The following ECT2 variants were observed in gnomAD, a reference collection of about 807,000 sequenced individuals.
The protein encoded by ECT2 is protein ECT2.
A neutral mutation model predicts 116.9 loss-of-function variants in ECT2; 61 were observed. That is an observed-to-expected ratio of 0.52 (90% CI 0.42 to 0.65). The LOEUF (loss-of-function observed/expected upper bound fraction) is 0.65. ECT2 is among the 30% of genes least tolerant of loss of function. The pLI is 0.00. For missense variants in ECT2, 937 were observed against 1,078.7 expected (o/e 0.87, Z 1.84); for synonymous variants, 358 against 346.4 (o/e 1.03, Z -0.37).
chr3:172,805,714 T>C lies in ECT2; in HGVS notation c.2107-17T>C, dbSNP rs748259165. 7 of 1,608,850 alleles carry C rather than the reference T, an allele frequency of 4.4e-6. No individual in the cohort carries two copies. The highest frequency in any genetic ancestry group is 5.9e-6 in the Non-Finnish European group (7 of 1,178,298). ...CTTCATTTTATTGACTGATACTTTT[T>C]TATTTTCTATAATCAGATAGCAAGA... On this transcript the variant is annotated splice_polypyrimidine_tract_variant and intron_variant, in intron 20 of 24. Transcript: ENST00000392692.
At chr3:172,778,785 C>T (rs557449428) in intron 14 of ECT2, among the ~76,000 whole-genome samples, 3 of 151,742 alleles carry the variant, frequency 2.0e-5, no homozygotes, top group African/African-American at 7.3e-5. Flanking sequence ...TTAGTAGAGA[C>T]GGAGTTTCAT....
chr3:172,829,028 C>T, the ECT2 span: 1 of 823,720 alleles, frequency 1.2e-6, no homozygotes, highest in South Asian at 1.3e-5. Flanking sequence ...TGTCTGGCCA[C>T]CTGGAGTGGG....
At chr3:172,810,429 T>C (rs941985904) in intron 22 of ECT2, among the ~76,000 whole-genome samples, 28 of 152,296 alleles carry the variant, frequency 1.8e-4, no homozygotes, top group African/African-American at 6.3e-4. Context: ...CGATTGGACA[T>C]ATATTAAAAG....
intron 18 of ECT2, among the ~76,000 whole-genome samples, chr3:172,788,988 G>A (rs1480333439): frequency 2.7e-5 from 4 of 150,058 alleles, no homozygotes; most frequent in Non-Finnish European, 5.9e-5. Context: ...AACCCGGGAT[G>A]TGGAGGTTGC....
Position 172,760,161 on chromosome 3 carries a change from G to T in ECT2, c.582G>T (p.Arg194Ser). 6.2e-7 allele frequency: 1 copy of T among 1,603,206 alleles called. No individual in the cohort carries two copies. The highest frequency in any genetic ancestry group is 1.1e-5 in the South Asian group (1 of 88,958). The change falls in exon 7 of 25, where the codon AGG (arginine) becomes AGT (serine). Residue 194 changes from arginine to serine, a missense_variant. Transcript: ENST00000392692. ...TGCTTAATTTTTCTTTTGAGGTCAG[G>T]TTGGTGACATTGGTCCATCACATGG... ...TGFRKKEELVRLVTLVHHMGG... is the reference protein window; with the variant it reads ...TGFRKKEELVSLVTLVHHMGG...
At chr3:172,761,346 G>A (rs984169243) in intron 7 of ECT2, among the ~76,000 whole-genome samples, 5 of 152,008 alleles carry the variant, frequency 3.3e-5, no homozygotes, top group Non-Finnish European at 7.4e-5. Context: ...GAAGAAAGGA[G>A]AAATAGAAAT....
chr3:172,760,031 A>G (rs1194860947), intron 6 of ECT2, 125 bp from the exon 7 acceptor site: 3 of 549,968 alleles, frequency 5.5e-6, no homozygotes, highest in Non-Finnish European at 9.1e-6. Context: ...TAATAGCTTT[A>G]TAAAAATCCC....
chr3:172,820,396 G>A lies in ECT2; in HGVS notation c.*159G>A. ...TTGATTTTTCTTCTTGAAAGAGTAA[G>A]GTTTACCTGTTACATTTTCAAGTTA... is the stretch of plus-strand genomic sequence containing the variant. On this transcript the variant is annotated 3_prime_UTR_variant, in exon 25 of 25. Transcript: ENST00000392692. 2.4e-6 allele frequency: 1 copy of A among 413,050 alleles called. No homozygotes were observed. The highest frequency in any genetic ancestry group is 4.2e-6 in the Non-Finnish European group (1 of 237,694). 25.6% of individuals were successfully genotyped at this position (413,050 alleles called of 1,614,324 possible).
chr3:172,783,727 GACTTTAAGTTACATTGTCTCT>G lies in ECT2; in HGVS notation c.1618-70_1618-50del, dbSNP rs1258011264. ...GTCAGATTGTGACTACTAATTATTT[GACTTTAAGTTACATTGTCTCT>G]AAGGGTGACAAATGCATAATAAATA... is the stretch of plus-strand genomic sequence containing the variant. On this transcript the variant is annotated intron_variant, in intron 15 of 24. Transcript: ENST00000392692. 3.1e-6 allele frequency: 3 copies of G among 982,104 alleles called. No individual in the cohort carries two copies. In the South Asian group the frequency reaches 4.3e-5, roughly 14 times the overall value. 60.8% of individuals were successfully genotyped at this position (982,104 alleles called of 1,614,324 possible).
chr3:172,792,836 G>A (rs1724925766), intron 18 of ECT2, among the ~76,000 whole-genome samples: 1 of 152,072 alleles, frequency 6.6e-6, no homozygotes, highest in Non-Finnish European at 1.5e-5. Context: ...TCCCACCTTA[G>A]CCTTTTGAGT....
intron 11 of ECT2, among the ~76,000 whole-genome samples, chr3:172,763,407 C>T (rs1025697108): frequency 6.6e-6 from 1 of 152,120 alleles, no homozygotes; most frequent in Non-Finnish European, 1.5e-5. Context: ...TTCGTTAGAA[C>T]CCCAATTGGG....
chr3:172,794,926 G>C (rs1725337280), intron 18 of ECT2, among the ~76,000 whole-genome samples: 2 of 151,870 alleles, frequency 1.3e-5, no homozygotes, highest in African/African-American at 2.4e-5. Context: ...TGGCCAGGCT[G>C]GTCTCGAACT....
intron 18 of ECT2, among the ~76,000 whole-genome samples, 183 bp downstream of exon 18, chr3:172,786,757 A>G (rs987387527): frequency 7.9e-5 from 12 of 152,192 alleles, no homozygotes; most frequent in East Asian, 7.7e-4. Flanking sequence ...TAATCAAAAC[A>G]TTTATTTCTA....
intron 18 of ECT2, among the ~76,000 whole-genome samples, chr3:172,798,917 C>T (rs1378792310): frequency 6.6e-6 from 1 of 152,142 alleles, no homozygotes. Flanking sequence ...GGTTCCTAGC[C>T]TTACAGTGAG....
At chr3:172,761,474 T>C (rs1718282448) in intron 7 of ECT2, 136 bp from the exon 8 acceptor site, 1 of 585,782 alleles carries the variant, frequency 1.7e-6, no homozygotes, top group Non-Finnish European at 3.0e-6. Context: ...ATAGTTTGTC[T>C]GTTAATTTTT....
intron 13 of ECT2, among the ~76,000 whole-genome samples, chr3:172,772,570 C>T (rs1484002703): frequency 4.6e-5 from 7 of 152,020 alleles, no homozygotes; most frequent in Admixed American, 4.6e-4. Context: ...TCATTCATAG[C>T]GTATTTTTTA....
Position 172,805,857 on chromosome 3 carries a change from A to G in ECT2, c.2233A>G (p.Arg745Gly), listed in dbSNP as rs368895882. ...LSQIKKVLDIRETEDCHNAFA... is the reference protein window; with the variant it reads ...LSQIKKVLDIGETEDCHNAFA... ...TCAGATTAAGAAGGTATTGGACATA[A>G]GAGAGACAGAAGGTATGCCGGTCGG... Residue 745 changes from arginine to glycine, a missense_variant, in exon 21 of 25, where the codon AGA becomes GGA. By Grantham distance (125) the Arg-to-Gly change is moderately radical (BLOSUM62 -2). Coordinates refer to ENST00000392692, the MANE Select transcript of ECT2 (RefSeq NM_001258315.2). 338 of 1,613,044 alleles carry G rather than the reference A, an allele frequency of 2.1e-4. No homozygotes were observed. The highest frequency in any genetic ancestry group is 2.8e-4 in the Non-Finnish European group (325 of 1,179,532).
Position 172,762,761 on chromosome 3 carries a change from T to A in ECT2, c.960T>A (p.Asp320Glu), listed in dbSNP as rs758384949. 1.2e-5 allele frequency: 20 copies of A among 1,613,278 alleles called. No individual in the cohort carries two copies. The highest frequency in any genetic ancestry group is 1.7e-5 in the Non-Finnish European group (20 of 1,179,674). ...HLVVEENIVK[D>E]LPFEPSKKLY... ...TAGTTGAAGAGAATATAGTAAAAGA[T>A]CTTCCCTTTGAACCTTCAAAGAAAC... The change falls in exon 10 of 25, where the codon GAT (aspartate) becomes GAA (glutamate). Residue 320 changes from aspartate to glutamate, a missense_variant. Transcript: ENST00000392692.
At chr3:172,771,311 GA>G (rs1720591661) in intron 13 of ECT2, 1 of 152,174 alleles carries the variant, frequency 6.6e-6, no homozygotes. Flanking sequence ...CAGACCTAGG[GA>G]AAGGTAAGTC....
Sources: gnomAD v4.1 joint callset for allele counts (sites outside exome capture counted in the v4.1 genomes callset) on GRCh38, gnomAD v4.1.1 for gene constraint, MANE v1.5 for transcripts, NCBI Gene and HGNC (gene_info 2026-07-23, HGNC 2026-07-21) for gene names.